The following METTL4 variants were observed in gnomAD, a reference collection of about 807,000 sequenced individuals.
METTL4 encodes the protein methyltransferase 4, N6-adenosine.
Under a neutral mutation model 54.0 loss-of-function variants are expected in METTL4, and 40 were observed. That is an observed-to-expected ratio of 0.74 (90% CI 0.58 to 0.96). The LOEUF is 0.96. METTL4 is among the 50% of genes least tolerant of loss of function. The pLI is 0.00. For missense variants in METTL4, 525 were observed against 549.0 expected (o/e 0.96, Z 0.44); for synonymous variants, 169 against 183.8 (o/e 0.92, Z 0.65).
rs760074850 is a variant in METTL4 at position 2,567,187 on chromosome 18, C to T, written c.30G>A (p.Gly10=). 1.9e-6 allele frequency: 3 copies of T among 1,611,640 alleles called. No individual in the cohort carries two copies. Among genetic ancestry groups the T allele is most frequent in the South Asian group, 2.2e-5 (2 of 90,606 alleles). Residue 10 remains glycine (G), a synonymous_variant, in exon 2 of 9, where the codon GGG becomes GGA. Coordinates refer to ENST00000574538, the MANE Select transcript of METTL4 (RefSeq NM_022840.5). MSVVHQLSA[G]WLLDHLSFIN... ...TAAAAGAAAGATGATCCAGTAACCA[C>T]CCAGCTGACAACTGGTGTACCACAG...
In METTL4 at chr18:2,567,143, T is replaced by C; in HGVS notation, c.74A>G (p.Gln25Arg). Reference sequence around the variant, plus strand: ...ACAAGGTTCATGATGCTGGTGAAGTTGATAGTTTATCTTGTTGATAAAAGA... The same window carrying C: ...ACAAGGTTCATGATGCTGGTGAAGTCGATAGTTTATCTTGTTGATAAAAGA... ...HLSFINKINY[Q>R]LHQHHEPCCR... Residue 25 changes from glutamine (Q) to arginine (R), a missense_variant, in exon 2 of 9, where the codon CAA becomes CGA. Coordinates refer to ENST00000574538, the MANE Select transcript of METTL4 (RefSeq NM_022840.5). The C allele has an allele frequency of 6.2e-7, 1 of 1,614,020 alleles. No individual in the cohort carries two copies. The highest frequency in any genetic ancestry group is 8.5e-7 in the Non-Finnish European group (1 of 1,179,966).
intron 4 of METTL4, chr18:2,553,535 T>C (rs2072193543): frequency 6.6e-6 from 1 of 152,148 alleles, no homozygotes; most frequent in South Asian, 2.1e-4. Context: ...ACAAGTATCT[T>C]GGGAGGAGAT....
intron 5 of METTL4, among the ~76,000 whole-genome samples, chr18:2,551,150 C>A (rs1405149400): frequency 8.6e-6 from 1 of 116,794 alleles, no homozygotes; most frequent in Non-Finnish European, 1.6e-5. Context: ...GGCGACAGAA[C>A]GAGACTCCGT....
At chr18:2,544,809 G>C in intron 6 of METTL4, 50 bp from the exon 7 acceptor site, 1 of 1,176,058 alleles carries the variant, frequency 8.5e-7, no homozygotes, top group Non-Finnish European at 1.3e-6. Flanking sequence ...CATCACTATA[G>C]AGCTTCCACA....
At chr18:2,557,920 A>G (rs2072262266) in intron 3 of METTL4, among the ~76,000 whole-genome samples, 1 of 152,182 alleles carries the variant, frequency 6.6e-6, no homozygotes, top group African/African-American at 2.4e-5. Context: ...GTACTGGGTA[A>G]TTAGACCGAT....
rs143717748 is a variant in METTL4, at chr18:2,567,376, GA to G, written c.-161del. ...AAAAACCTGACATGCACATTGAAGA[GA>G]ATTTATCATTCATGATGTTAATATA... On this transcript the variant is annotated 5_prime_UTR_variant, in exon 2 of 9. An upstream open reading frame in the 5' UTR gains an earlier in-frame stop. Transcript: ENST00000574538. The G allele has an allele frequency of 6.1e-3, 3,171 of 519,008 alleles. 80 individuals are homozygous for G. Among genetic ancestry groups the G allele is most frequent in the African/African-American group, 0.052 (2,675 of 51,494 alleles). 32.2% of individuals were successfully genotyped at this position (519,008 alleles called of 1,614,324 possible).
chr18:2,567,174 G>T lies in METTL4; in HGVS notation c.43C>A (p.His15Asn), dbSNP rs772902282. 65 of 1,613,292 alleles carry T rather than the reference G, an allele frequency of 4.0e-5. No individual in the cohort carries two copies. The highest frequency in any genetic ancestry group is 5.4e-5 in the Non-Finnish European group (64 of 1,179,568). Residue 15 changes from histidine (H) to asparagine (N), a missense_variant, in exon 2 of 9, where the codon CAT becomes AAT. Physicochemically the swap from His to Asn is moderately conservative, Grantham distance 68. Coordinates refer to ENST00000574538, the MANE Select transcript of METTL4 (RefSeq NM_022840.5). ...TTTATCTTGTTGATAAAAGAAAGAT[G>T]ATCCAGTAACCACCCAGCTGACAAC... ...HQLSAGWLLD[H>N]LSFINKINYQ...
chr18:2,568,955 T>C (rs1598359853), intron 1 of METTL4: 2 of 226,474 alleles, frequency 8.8e-6, no homozygotes, highest in African/African-American at 4.6e-5. Context: ...TAACAAAAAT[T>C]AATGCTATTC....
intron 3 of METTL4, among the ~76,000 whole-genome samples, chr18:2,559,044 A>C (rs1403550303): frequency 6.6e-6 from 1 of 152,224 alleles, no homozygotes; most frequent in Admixed American, 6.5e-5. Flanking sequence ...ACCACTGTGG[A>C]AGGCAGTATG....
At chr18:2,546,785 C>G (rs1399077041) in intron 6 of METTL4, among the ~76,000 whole-genome samples, 1 of 152,040 alleles carries the variant, frequency 6.6e-6, no homozygotes. Flanking sequence ...GATCATTCAA[C>G]CAATTCTAGA....
intron 3 of METTL4, chr18:2,555,273 A>G (rs12605794): frequency 0.061 from 31,305 of 510,778 alleles, 2,048 homozygotes; most frequent in African/African-American, 0.24. Flanking sequence ...AATACATGTA[A>G]GAAAATATAT....
At position 2,563,979 on chromosome 18, in the gene METTL4, T is replaced by A. The variant is rs2072362961; in HGVS notation, c.397-120A>T. On this transcript the variant is annotated intron_variant, in intron 2 of 8. Transcript: ENST00000574538. ...AATAATTAATAATTAATAGTAGTAA[T>A]TGTCTACTGAGGTCAAAATCAATGC... 1.3e-5 allele frequency: 8 copies of A among 602,594 alleles called. No homozygotes were observed. The East Asian group carries it at 2.5e-4, about 19-fold the overall frequency. 37.3% of individuals were successfully genotyped at this position (602,594 alleles called of 1,614,324 possible).
intron 5 of METTL4, among the ~76,000 whole-genome samples, chr18:2,552,049 C>T (rs899128473): frequency 1.3e-5 from 2 of 151,894 alleles, no homozygotes; most frequent in East Asian, 1.9e-4. Context: ...AAAAATTAGC[C>T]GGGCATGGTG....
chr18:2,564,528 A>G (rs1400335139), intron 2 of METTL4, among the ~76,000 whole-genome samples: 1 of 152,198 alleles, frequency 6.6e-6, no homozygotes, highest in Non-Finnish European at 1.5e-5. Flanking sequence ...AGAAATTCCA[A>G]TGTGCTTATG....
chr18:2,569,455 G>A (rs1467618123), intron 1 of METTL4, among the ~76,000 whole-genome samples: 1 of 152,090 alleles, frequency 6.6e-6, no homozygotes, highest in East Asian at 1.9e-4. Flanking sequence ...TACATGGCCT[G>A]GAGTCTCCGC....
chr18:2,561,778 T>C (rs2072322558), intron 3 of METTL4: 1 of 152,232 alleles, frequency 6.6e-6, no homozygotes, highest in East Asian at 1.9e-4. Flanking sequence ...AATTAGAATA[T>C]ACATGAATTC....
At chr18:2,556,561 G>A (rs1481261514) in intron 3 of METTL4, among the ~76,000 whole-genome samples, 2 of 152,038 alleles carry the variant, frequency 1.3e-5, no homozygotes, top group Non-Finnish European at 2.9e-5. Flanking sequence ...GGAAACATAG[G>A]AATGATACAG....
At chr18:2,547,878 T>C (rs1254238039) in intron 5 of METTL4, among the ~76,000 whole-genome samples, 2 of 152,236 alleles carry the variant, frequency 1.3e-5, no homozygotes, top group Non-Finnish European at 2.9e-5. Context: ...ACAGGAGCCC[T>C]GTCACAGTGA....
intron 4 of METTL4, chr18:2,554,361 TG>T: frequency 8.1e-6 from 1 of 122,786 alleles, no homozygotes; most frequent in Non-Finnish European, 1.3e-5. Flanking sequence ...TACTTTGCTA[TG>T]AAAAAAAGTT....
Sources: allele counts gnomAD v4.1 joint callset (sites outside exome capture counted in the v4.1 genomes callset), GRCh38; gene constraint gnomAD v4.1.1; transcripts MANE v1.5; gene names NCBI Gene and HGNC (gene_info 2026-07-23, HGNC 2026-07-21).